The following POPDC1 variants were observed in gnomAD, a reference collection of about 807,000 sequenced individuals.
The protein encoded by POPDC1 is popeye domain-containing protein 1.
the POPDC1 span, chr6:105,097,631 CAAGTG>C: frequency 1.3e-5 from 2 of 152,234 alleles, no homozygotes; most frequent in Non-Finnish European, 2.9e-5. Flanking sequence ...ACTCAGCAAC[CAAGTG>C]ACTCTGTCTT....
the POPDC1 span, among the ~76,000 whole-genome samples, chr6:105,133,085 C>T: frequency 6.6e-6 from 1 of 152,190 alleles, no homozygotes; most frequent in Non-Finnish European, 1.5e-5. Context: ...CTTTAAAGTT[C>T]ATACTCTTAC....
the POPDC1 span, chr6:105,115,779 T>C: frequency 1.2e-6 from 2 of 1,613,846 alleles, no homozygotes; most frequent in African/African-American, 2.7e-5. Context: ...ATTTCCAACA[T>C]GGAGATCTGT....
the POPDC1 span, among the ~76,000 whole-genome samples, chr6:105,124,393 A>C: frequency 3.3e-5 from 5 of 151,474 alleles, no homozygotes; most frequent in Non-Finnish European, 7.4e-5. Flanking sequence ...AACAAAAAAA[A>C]AAAAAAAAAA....
the POPDC1 span, among the ~76,000 whole-genome samples, chr6:105,119,384 C>T: frequency 6.6e-6 from 1 of 152,128 alleles, no homozygotes; most frequent in African/African-American, 2.4e-5. Flanking sequence ...AGGCTGAACA[C>T]ATGCCATGAA....
At chr6:105,113,817 A>ATT in the POPDC1 span, among the ~76,000 whole-genome samples, 3,045 of 47,694 alleles carry the variant, frequency 0.064, 141 homozygotes, top group African/African-American at 0.1. Context: ...GATGCCTGGC[A>ATT]TTTTTTTTTT....
chr6:105,112,327 G>A, the POPDC1 span, among the ~76,000 whole-genome samples: 1 of 152,188 alleles, frequency 6.6e-6, no homozygotes, highest in African/African-American at 2.4e-5. Context: ...ATGCTGTTCA[G>A]ATCGTGATTC....
At chr6:105,124,645 AGACCTTCATTCT>A in the POPDC1 span, 2 of 1,599,434 alleles carry the variant, frequency 1.3e-6, no homozygotes, top group African/African-American at 2.7e-5. Flanking sequence ...CCTCGATAGG[AGACCTTCATTCT>A]GATAACAGAA....
the POPDC1 span, among the ~76,000 whole-genome samples, chr6:105,118,906 G>A: frequency 1.2e-4 from 18 of 152,078 alleles, no homozygotes; most frequent in African/African-American, 1.4e-4. Flanking sequence ...AAAATTAGCC[G>A]GGCATACTGG....
chr6:105,109,452 G>C, the POPDC1 span, among the ~76,000 whole-genome samples: 1 of 152,066 alleles, frequency 6.6e-6, no homozygotes, highest in Non-Finnish European at 1.5e-5. Context: ...AGTCCCCCTA[G>C]AGTTGGTGAG....
At chr6:105,099,750 G>A in the POPDC1 span, 1 of 152,322 alleles carries the variant, frequency 6.6e-6, no homozygotes, top group Non-Finnish European at 1.5e-5. Context: ...CGCAGCTCTG[G>A]CACTGGGGCA....
the POPDC1 span, chr6:105,115,744 A>G: frequency 1.9e-6 from 3 of 1,614,142 alleles, no homozygotes; most frequent in South Asian, 1.1e-5. Flanking sequence ...CGTCACTGTC[A>G]CTGGAGCTGG....
the POPDC1 span, among the ~76,000 whole-genome samples, chr6:105,130,703 T>C: frequency 7.9e-5 from 12 of 152,294 alleles, no homozygotes; most frequent in East Asian, 2.3e-3. Context: ...AAAGTACAGC[T>C]TGTTACTGTA....
chr6:105,124,415 A>C, the POPDC1 span: 1 of 636,584 alleles, frequency 1.6e-6, no homozygotes, highest in East Asian at 2.9e-5. Flanking sequence ...AAAAGAGACA[A>C]TACTATATAT....
the POPDC1 span, among the ~76,000 whole-genome samples, chr6:105,126,248 TAAAA>T: frequency 7.5e-6 from 1 of 133,890 alleles, no homozygotes; most frequent in Non-Finnish European, 1.6e-5. Flanking sequence ...AAAATAAAAA[TAAAA>T]AAAAGAAAGA....
the POPDC1 span, among the ~76,000 whole-genome samples, chr6:105,111,633 T>C: frequency 2.1e-4 from 32 of 152,200 alleles, no homozygotes; most frequent in Non-Finnish European, 4.1e-4. Context: ...AGAATGACTT[T>C]TTCTCAGGCT....
chr6:105,117,109 T>C, the POPDC1 span, among the ~76,000 whole-genome samples: 2 of 152,226 alleles, frequency 1.3e-5, no homozygotes. Context: ...TGTTTTGTTT[T>C]GTGAGGTCTG....
the POPDC1 span, among the ~76,000 whole-genome samples, chr6:105,126,055 T>C: frequency 6.6e-6 from 1 of 151,866 alleles, no homozygotes; most frequent in Admixed American, 6.6e-5. Context: ...GAAACCCCCA[T>C]CTCTACTAAA....
chr6:105,135,766 T>C, the POPDC1 span, among the ~76,000 whole-genome samples: 1 of 152,132 alleles, frequency 6.6e-6, no homozygotes, highest in East Asian at 1.9e-4. Flanking sequence ...TCTATATAAT[T>C]GTCTATTGTG....
the POPDC1 span, among the ~76,000 whole-genome samples, chr6:105,105,348 A>T: frequency 6.6e-6 from 1 of 151,958 alleles, no homozygotes; most frequent in East Asian, 1.9e-4. Flanking sequence ...GAGAGTGTCC[A>T]CTCTTTGTAC....
Sources: gnomAD v4.1 joint callset for allele counts (sites outside exome capture counted in the v4.1 genomes callset) on GRCh38, gnomAD v4.1.1 for gene constraint, MANE v1.5 for transcripts, NCBI Gene and HGNC (gene_info 2026-07-23, HGNC 2026-07-21) for gene names.